IL1RAPL1: variants seen among roughly 807,000 people sequenced by gnomAD.
IL1RAPL1 encodes interleukin-1 receptor accessory protein-like 1.
In IL1RAPL1, 3 loss-of-function variants were observed where a neutral mutation model predicts 48.4. That is an observed-to-expected ratio of 0.06 (90% CI 0.03 to 0.16). The LOEUF is 0.16. IL1RAPL1 is among the 10% of genes least tolerant of loss of function. The pLI is 1.00. For missense variants in IL1RAPL1, 349 were observed against 530.6 expected, an observed-to-expected ratio of 0.66 and a Z score of 3.36; for synonymous variants, 185 against 187.7, an observed-to-expected ratio of 0.99 and a Z score of 0.12.
chrX:29,255,707 G>A (rs1475427175), intron 2 of IL1RAPL1, among the ~76,000 whole-genome samples: 2 of 111,184 alleles, frequency 1.8e-5, no homozygotes, highest in African/African-American at 6.5e-5. Flanking sequence ...GAGAACATGT[G>A]GTAATTGGTT....
At position 29,606,827 on chromosome X, in the gene IL1RAPL1, C is replaced by T. The variant is rs1434134179; in HGVS notation, c.704-61603C>T. Among the ~76,000 whole-genome samples the T allele has an allele frequency of 9.9e-5, 11 of 110,691 alleles. No individual in the cohort carries two copies. The East Asian group carries it at 3.1e-3, about 31-fold the overall frequency. Reference sequence around the variant, plus strand: ...GGCACAGTAACTTTAAAGATAAAGACATAAAACATGACTTGCTTAAATTTT... The same window carrying T: ...GGCACAGTAACTTTAAAGATAAAGATATAAAACATGACTTGCTTAAATTTT... On this transcript the variant is annotated intron_variant, in intron 5 of 10. Coordinates refer to ENST00000378993, the MANE Select transcript of IL1RAPL1 (RefSeq NM_014271.4).
At chrX:29,526,646 A>G (rs1935556017) in intron 5 of IL1RAPL1, among the ~76,000 whole-genome samples, 1 of 112,224 alleles carries the variant, frequency 8.9e-6, no homozygotes, top group South Asian at 3.6e-4. Flanking sequence ...ATTAGTTAGA[A>G]TAAATTACAA....
chrX:29,648,660 A>AAAGTT (rs1249315912), intron 5 of IL1RAPL1, among the ~76,000 whole-genome samples: 1 of 112,010 alleles, frequency 8.9e-6, no homozygotes, highest in Admixed American at 9.5e-5. Flanking sequence ...AAAGTTTATA[A>AAAGTT]CAATAAATGC....
chrX:28,735,014 G>T (rs1425910867), intron 1 of IL1RAPL1, among the ~76,000 whole-genome samples: 1 of 111,950 alleles, frequency 8.9e-6, no homozygotes, highest in Admixed American at 9.5e-5. Context: ...ATCCAGTGTT[G>T]CTCTCCACAT....
At chrX:28,871,596 G>A (rs1332560477) in intron 2 of IL1RAPL1, among the ~76,000 whole-genome samples, 1 of 111,547 alleles carries the variant, frequency 9.0e-6, no homozygotes. Context: ...ATGGCTCTTA[G>A]ATCAGAACCT....
chrX:28,618,552 T>A (rs971124392), intron 1 of IL1RAPL1, among the ~76,000 whole-genome samples: 3 of 112,161 alleles, frequency 2.7e-5, no homozygotes, highest in Non-Finnish European at 5.6e-5. Context: ...ATGACTTTGG[T>A]TTAATTGTAC....
At chrX:29,534,147 C>T (rs1020031527) in intron 5 of IL1RAPL1, among the ~76,000 whole-genome samples, 14 of 111,609 alleles carry the variant, frequency 1.3e-4, no homozygotes, top group Non-Finnish European at 1.9e-4. Context: ...CTGTAAATTA[C>T]AGAGAAATTT....
At chrX:29,019,467 G>A (rs959156384) in intron 2 of IL1RAPL1, among the ~76,000 whole-genome samples, 7 of 111,026 alleles carry the variant, frequency 6.3e-5, no homozygotes, top group African/African-American at 1.3e-4. Flanking sequence ...AGTGATGAAC[G>A]AACAATAGAG....
intron 1 of IL1RAPL1, among the ~76,000 whole-genome samples, chrX:28,768,749 C>CTATA (rs1333539964): frequency 7.5e-4 from 52 of 69,758 alleles, no homozygotes; most frequent in African/African-American, 2.3e-3. Flanking sequence ...CTCTCTCTCT[C>CTATA]TCTCTCTATA....
intron 2 of IL1RAPL1, among the ~76,000 whole-genome samples, chrX:29,117,754 T>G (rs182010907): frequency 1.3e-3 from 145 of 111,430 alleles, no homozygotes; most frequent in African/African-American, 4.4e-3. Flanking sequence ...AGCCCTGTTT[T>G]TCATTCGTTT....
intron 2 of IL1RAPL1, among the ~76,000 whole-genome samples, chrX:29,263,862 C>T (rs1259252014): frequency 0.011 from 61 of 5,359 alleles, 1 homozygote; most frequent in East Asian, 0.1. Flanking sequence ...TCTCTCTCTC[C>T]CCCCCCCCCG....
chrX:29,846,609 G>A (rs995376798), intron 6 of IL1RAPL1, among the ~76,000 whole-genome samples: 3 of 109,631 alleles, frequency 2.7e-5, no homozygotes, highest in Non-Finnish European at 3.8e-5. Context: ...GTCTCTAGAA[G>A]ATCAGTAATG....
In IL1RAPL1 at chrX:29,068,384, C is replaced by T. The variant is rs991319218; in HGVS notation, c.83-214554C>T. On this transcript the variant is annotated intron_variant, in intron 2 of 10. Transcript: ENST00000378993. ...ATGAGTGAGAAGTGGTTTCTTCAGC[C>T]AAAACCAGATAGCCATTTAAGCACA... 3.6e-5 allele frequency among the ~76,000 whole-genome samples: 4 copies of T among 111,917 alleles called. No individual in the cohort carries two copies. In the Admixed American group the frequency reaches 3.8e-4, roughly 11 times the overall value.
chrX:28,953,841 A>G (rs1443923173), intron 2 of IL1RAPL1, among the ~76,000 whole-genome samples: 3 of 111,358 alleles, frequency 2.7e-5, no homozygotes, highest in Admixed American at 9.6e-5. Flanking sequence ...CTACAAGACT[A>G]CTTTCTGTCA....
chrX:29,802,835 A>G (rs1481262212), intron 6 of IL1RAPL1, among the ~76,000 whole-genome samples: 38 of 77,043 alleles, frequency 4.9e-4, no homozygotes, highest in African/African-American at 2.1e-3. Flanking sequence ...GTATACATAT[A>G]TGTATACATA....
At chrX:28,613,133 G>A (rs1014970230) in intron 1 of IL1RAPL1, among the ~76,000 whole-genome samples, 4 of 112,205 alleles carry the variant, frequency 3.6e-5, no homozygotes, top group Non-Finnish European at 7.5e-5. Context: ...AGAAAACCCA[G>A]CTGTAAGTTG....
intron 1 of IL1RAPL1, among the ~76,000 whole-genome samples, chrX:28,627,699 C>T (rs1002910779): frequency 8.9e-6 from 1 of 111,976 alleles, no homozygotes; most frequent in African/African-American, 3.2e-5. Flanking sequence ...ATTTCCTTGT[C>T]TATAATAATT....
chrX:29,615,011 A>G (rs1438539303), intron 5 of IL1RAPL1, among the ~76,000 whole-genome samples: 2 of 111,750 alleles, frequency 1.8e-5, no homozygotes, highest in Non-Finnish European at 3.8e-5. Flanking sequence ...CAAAGTTCTC[A>G]GAATTCTAAA....
chrX:29,445,485 A>T lies in IL1RAPL1; in HGVS notation c.703+46177A>T, dbSNP rs1934601917. Among the ~76,000 whole-genome samples the T allele has an allele frequency of 7.1e-5, 8 of 112,107 alleles. No individual in the cohort carries two copies. In the Admixed American group the frequency reaches 7.6e-4, roughly 11 times the overall value. On this transcript the variant is annotated intron_variant, in intron 5 of 10. Coordinates refer to ENST00000378993, the MANE Select transcript of IL1RAPL1 (RefSeq NM_014271.4). Reference sequence around the variant, plus strand: ...CTCTTTGGGAACCCCACTGGCCTAAACATTAGCTCCCTTTTCACCAGCAGG... The same window carrying T: ...CTCTTTGGGAACCCCACTGGCCTAATCATTAGCTCCCTTTTCACCAGCAGG...
Sources: gnomAD v4.1 joint callset for allele counts (sites outside exome capture counted in the v4.1 genomes callset) on GRCh38, gnomAD v4.1.1 for gene constraint, MANE v1.5 for transcripts, NCBI Gene and HGNC (gene_info 2026-07-23, HGNC 2026-07-21) for gene names.